The following DPYSL5 variants were observed in gnomAD, a reference collection of about 807,000 sequenced individuals.
DPYSL5 encodes dihydropyrimidinase-related protein 5.
DPYSL5 carries 9 observed loss-of-function variants against 58.4 expected under a neutral mutation model. The observed-to-expected ratio is 0.15, with a 90% CI of 0.09 to 0.27. The LOEUF (loss-of-function observed/expected upper bound fraction) is 0.27. Ranked by LOEUF, DPYSL5 falls within the 10% of genes least tolerant of loss-of-function variation. The pLI is 1.00. For missense variants in DPYSL5, 499 were observed against 770.6 expected (o/e 0.65, Z 4.17); for synonymous variants, 293 against 301.9 (o/e 0.97, Z 0.31).
At chr2:26,941,741 G>T (rs1041383053) in intron 9 of DPYSL5, among the ~76,000 whole-genome samples, 1 of 152,230 alleles carries the variant, frequency 6.6e-6, no homozygotes, top group African/African-American at 2.4e-5. Context: ...CACCATAGTT[G>T]CTGGGTGAAG....
chr2:26,890,904 A>G (rs1663863791), intron 1 of DPYSL5, among the ~76,000 whole-genome samples: 2 of 152,160 alleles, frequency 1.3e-5, no homozygotes, highest in African/African-American at 4.8e-5. Flanking sequence ...CCTAACCAGG[A>G]CACTAATCCT....
intron 1 of DPYSL5, among the ~76,000 whole-genome samples, chr2:26,864,521 G>A (rs1347095123): frequency 6.6e-6 from 1 of 152,232 alleles, no homozygotes. Flanking sequence ...CCACGGAAAG[G>A]AAAAGGTGGA....
Position 26,944,762 on chromosome 2 carries a change from C to A in DPYSL5, c.1547C>A (p.Thr516Asn). The A allele has an allele frequency of 6.2e-7, 1 of 1,614,172 alleles. No homozygotes were observed. The highest frequency in any genetic ancestry group is 8.5e-7 in the Non-Finnish European group (1 of 1,180,022). ...EMGTPLADTP[T>N]RPVTRHGGMR... ...GGAACCCCACTCGCAGACACTCCTA[C>A]CCGGCCCGTCACCCGGCATGGGGGC... Residue 516 changes from threonine (T) to asparagine (N), a missense_variant, in exon 12 of 13, where the codon ACC (threonine) becomes AAC (asparagine). Physicochemically the swap from Thr to Asn is moderately conservative, Grantham distance 65. This residue lies in a region of DPYSL5 where 62 missense variants were observed against 59.2 expected (regional missense o/e 1.05). Transcript: ENST00000288699. The surrounding 1 kb of genome is among the most constrained non-coding windows in gnomAD (Gnocchi z 4.4).
chr2:26,870,192 A>G (rs1168721692), intron 1 of DPYSL5, among the ~76,000 whole-genome samples: 1 of 152,198 alleles, frequency 6.6e-6, no homozygotes, highest in South Asian at 2.1e-4. Context: ...CATTAGAATG[A>G]TATTTGCTGT....
At chr2:26,891,107 G>A (rs944141227) in intron 1 of DPYSL5, among the ~76,000 whole-genome samples, 2 of 152,124 alleles carry the variant, frequency 1.3e-5, no homozygotes, top group South Asian at 4.1e-4. Context: ...AACTAGTTGT[G>A]GGACCTTAAG....
At chr2:26,856,924 ATAT>A (rs1432482980) in intron 1 of DPYSL5, among the ~76,000 whole-genome samples, 1 of 148,034 alleles carries the variant, frequency 6.8e-6, no homozygotes, top group Non-Finnish European at 1.5e-5. Flanking sequence ...TATGTAATAA[ATAT>A]TATATATGTA....
At chr2:26,854,742 G>A (rs13029206) in intron 1 of DPYSL5, among the ~76,000 whole-genome samples, 62,756 of 151,944 alleles carry the variant, frequency 0.41, 13,304 homozygotes, top group Admixed American at 0.49. Flanking sequence ...ATGGTTTTAG[G>A]TGATATTTTA....
At chr2:26,935,761 T>A (rs1665158325) in intron 8 of DPYSL5, among the ~76,000 whole-genome samples, 1 of 151,504 alleles carries the variant, frequency 6.6e-6, no homozygotes, top group South Asian at 2.1e-4. Context: ...TAAAGTTCCA[T>A]CCAGTTTAAG....
At chr2:26,872,892 C>A (rs1166612652) in intron 1 of DPYSL5, among the ~76,000 whole-genome samples, 1 of 152,106 alleles carries the variant, frequency 6.6e-6, no homozygotes, top group Non-Finnish European at 1.5e-5. Flanking sequence ...ATTTATTTTC[C>A]TTAAATAGTG....
At chr2:26,858,751 TTCC>T (rs1338849173) in intron 1 of DPYSL5, among the ~76,000 whole-genome samples, 6 of 58,860 alleles carry the variant, frequency 1.0e-4, no homozygotes, top group South Asian at 4.4e-4. Context: ...TTTTTTTTTT[TTCC>T]GTAGAGATAG....
Position 26,924,935 on chromosome 2 carries a change from G to A in DPYSL5, c.310G>A (p.Asp104Asn), listed in dbSNP as rs745658602. 21 of 1,614,004 alleles carry A rather than the reference G, an allele frequency of 1.3e-5. No homozygotes were observed. In the East Asian group the frequency reaches 1.3e-4, roughly 10 times the overall value. ...TTMIIGHVLP[D>N]KETSLVDAYE... ...CATGATCATCGGCCACGTCCTGCCCGACAAGGAGACCTCCCTTGTGGACGC... is the reference window on the plus strand; with the variant it reads ...CATGATCATCGGCCACGTCCTGCCCAACAAGGAGACCTCCCTTGTGGACGC... Residue 104 changes from aspartate to asparagine, a missense_variant, in exon 3 of 13, where the codon GAC becomes AAC. Coordinates refer to ENST00000288699, the MANE Select transcript of DPYSL5 (RefSeq NM_020134.4). The surrounding 1 kb of genome is among the most constrained non-coding windows in gnomAD (Gnocchi z 4.7).
intron 1 of DPYSL5, among the ~76,000 whole-genome samples, chr2:26,884,520 TCACACACACACACA>T (rs3070961): frequency 3.4e-4 from 49 of 145,530 alleles, no homozygotes; most frequent in Admixed American, 1.7e-3. Flanking sequence ...TTGTCCTATC[TCACACACACACACA>T]CACACACACA....
intron 1 of DPYSL5, among the ~76,000 whole-genome samples, chr2:26,863,867 C>G (rs1463735281): frequency 6.6e-6 from 1 of 152,158 alleles, no homozygotes; most frequent in Non-Finnish European, 1.5e-5. Context: ...ATTTTTTAAT[C>G]TTAAGAAAAT....
chr2:26,914,532 T>C (rs894935063), intron 2 of DPYSL5, among the ~76,000 whole-genome samples: 2 of 152,176 alleles, frequency 1.3e-5, no homozygotes, highest in African/African-American at 4.8e-5. Context: ...TTGCACAGCC[T>C]CCTGACCCAT....
chr2:26,938,051 A>G (rs762664263), intron 8 of DPYSL5, among the ~76,000 whole-genome samples: 3 of 152,182 alleles, frequency 2.0e-5, no homozygotes, highest in Non-Finnish European at 2.9e-5. Flanking sequence ...TCATTTGATC[A>G]TATAAAATGT....
intron 2 of DPYSL5, among the ~76,000 whole-genome samples, chr2:26,904,254 G>A (rs113591011): frequency 3.3e-5 from 5 of 152,246 alleles, no homozygotes; most frequent in African/African-American, 9.6e-5. Flanking sequence ...TCCTTTTGGT[G>A]CCCAGCCTTG....
intron 1 of DPYSL5, among the ~76,000 whole-genome samples, chr2:26,892,788 A>AGAGAGAGAGAGG (rs1663921299): frequency 6.6e-6 from 1 of 151,896 alleles, no homozygotes; most frequent in Admixed American, 6.6e-5. Context: ...AGAGAGAGAG[A>AGAGAGAGAGAGG]GAGAGAATGC....
intron 8 of DPYSL5, among the ~76,000 whole-genome samples, chr2:26,936,550 G>T (rs1475610379): frequency 6.6e-6 from 1 of 152,182 alleles, no homozygotes; most frequent in Non-Finnish European, 1.5e-5. Flanking sequence ...GCCTTGGTGG[G>T]TGCCAGGCGG....
chr2:26,874,252 G>A (rs1374733065), intron 1 of DPYSL5, among the ~76,000 whole-genome samples: 1 of 152,080 alleles, frequency 6.6e-6, no homozygotes, highest in Non-Finnish European at 1.5e-5. Context: ...ATCTTATGAA[G>A]AACACAAGTT....
Sources: gnomAD v4.1 joint callset for allele counts (sites outside exome capture counted in the v4.1 genomes callset) on GRCh38, gnomAD v4.1.1 for gene constraint, gnomAD v4.1.1 regional missense constraint, Gnocchi (gnomAD v3.1) non-coding constraint, MANE v1.5 for transcripts, NCBI Gene and HGNC (gene_info 2026-07-23, HGNC 2026-07-21) for gene names.